ABLIM2: variants seen among roughly 807,000 people sequenced by gnomAD.
The protein encoded by ABLIM2 is actin-binding LIM protein 2.
Under a neutral mutation model 97.7 loss-of-function variants are expected in ABLIM2, and 53 were observed. That is an observed-to-expected ratio of 0.54 (90% CI 0.44 to 0.68). The LOEUF (loss-of-function observed/expected upper bound fraction) is 0.68. Among genes scored for constraint, ABLIM2 ranks in the 30% least tolerant of loss-of-function variants. ABLIM2 has a pLI of 0.00. For synonymous variants in ABLIM2, 361 were observed against 345.8 expected (o/e 1.04, Z -0.49); for missense variants, 835 against 867.2 (o/e 0.96, Z 0.47).
At position 8,023,154 on chromosome 4, in the gene ABLIM2, C is replaced by T. The variant is rs967829198; in HGVS notation, c.1268-2851G>A. ...CAGCTTCAGGTAGTCCAGGGGGCTC[C>T]CGCACCCTCCCGGCCCGCGTCCCTG... On this transcript the variant is annotated intron_variant, in intron 12 of 20. Coordinates refer to ENST00000447017, the MANE Select transcript of ABLIM2 (RefSeq NM_001130083.2). The surrounding 1 kb of genome is among the most constrained non-coding windows in gnomAD (Gnocchi z 5.7). The T allele has an allele frequency of 2.0e-5, 3 of 152,404 alleles. No individual in the cohort carries two copies. The highest frequency in any genetic ancestry group is 1.9e-4 in the East Asian group (1 of 5,200). The allele number at this position is 152,404 out of a possible 1,614,324, so 9.4% of individuals were successfully genotyped here.
At chr4:8,057,247 C>T (rs898844545) in intron 7 of ABLIM2, among the ~76,000 whole-genome samples, 6 of 151,964 alleles carry the variant, frequency 3.9e-5, no homozygotes, top group Admixed American at 2.0e-4. Context: ...TACAGGCATG[C>T]GCCACCACAC....
intron 20 of ABLIM2, among the ~76,000 whole-genome samples, chr4:7,969,090 C>G (rs1199236010): frequency 6.6e-6 from 1 of 152,028 alleles, no homozygotes; most frequent in African/African-American, 2.4e-5. Context: ...TGAGATCACA[C>G]CATTGCATTC....
At chr4:8,077,802 G>C (rs1429097168) in intron 5 of ABLIM2, 81 bp from the exon 6 acceptor site, 1 of 1,259,502 alleles carries the variant, frequency 7.9e-7, no homozygotes, top group African/African-American at 1.5e-5. Flanking sequence ...CAACAAGAGA[G>C]TCTGCCCTCA....
At position 8,043,752 on chromosome 4, in the gene ABLIM2, T is replaced by C. The variant is rs528438572; in HGVS notation, c.900+1412A>G. On this transcript the variant is annotated intron_variant, in intron 9 of 20. Coordinates refer to ENST00000447017, the MANE Select transcript of ABLIM2 (RefSeq NM_001130083.2). This position sits in a 1 kb window ranked among gnomAD's most constrained non-coding sequence, Gnocchi z 4.8. ...GCCCCCAGGAGGCTGACACAGATGA[T>C]GGTAACAGTAACGGCAGCAAGCGTT... 1.3e-5 allele frequency among the ~76,000 whole-genome samples: 2 copies of C among 152,284 alleles called. No individual in the cohort carries two copies. The highest frequency in any genetic ancestry group is 4.1e-4 in the South Asian group (2 of 4,820).
At chr4:8,143,159 T>TC (rs58979220) in intron 1 of ABLIM2, among the ~76,000 whole-genome samples, 2,182 of 61,362 alleles carry the variant, frequency 0.036, 69 homozygotes, top group Middle Eastern at 0.11. Context: ...GGGGCGAGAG[T>TC]GGGGGGGGGG....
At chr4:8,014,492 G>T (rs1169175557) in intron 14 of ABLIM2, among the ~76,000 whole-genome samples, 1 of 152,250 alleles carries the variant, frequency 6.6e-6, no homozygotes, top group East Asian at 1.9e-4. Flanking sequence ...GAATGTGTGT[G>T]TGTGTGTATG....
intron 14 of ABLIM2, among the ~76,000 whole-genome samples, chr4:8,011,931 A>G (rs919408477): frequency 1.3e-5 from 2 of 152,142 alleles, no homozygotes; most frequent in East Asian, 1.9e-4. Context: ...TCATATCTGA[A>G]CATCCATGCC....
chr4:8,052,940 G>A (rs1796973883), intron 8 of ABLIM2, among the ~76,000 whole-genome samples: 1 of 152,240 alleles, frequency 6.6e-6, no homozygotes, highest in African/African-American at 2.4e-5. Context: ...TGGGAGGCCA[G>A]GGGTTGCTGA....
At chr4:8,103,776 C>A (rs1046567487) in intron 2 of ABLIM2, among the ~76,000 whole-genome samples, 35 of 152,206 alleles carry the variant, frequency 2.3e-4, no homozygotes, top group Admixed American at 6.5e-4. Flanking sequence ...GGGCAGTTTC[C>A]GCCAGCTATG....
At chr4:8,091,391 TAATTATATGTAA>T (rs1827774478) in intron 3 of ABLIM2, among the ~76,000 whole-genome samples, 2 of 59,558 alleles carry the variant, frequency 3.4e-5, no homozygotes, top group African/African-American at 6.5e-5. Context: ...ATATTATATA[TAATTATATGTAA>T]TATATAATTA....
chr4:8,111,223 C>T (rs545532646), intron 1 of ABLIM2, among the ~76,000 whole-genome samples: 64 of 152,346 alleles, frequency 4.2e-4, no homozygotes, highest in African/African-American at 1.4e-3. Context: ...ATGAATACTG[C>T]TAGCTGGAAG....
intron 12 of ABLIM2, among the ~76,000 whole-genome samples, chr4:8,027,373 C>T (rs1778091773): frequency 6.6e-6 from 1 of 152,186 alleles, no homozygotes; most frequent in Admixed American, 6.5e-5. Flanking sequence ...GCCCTCCGTA[C>T]AGCGTAGCTT....
At chr4:8,142,280 C>T (rs1851106978) in intron 1 of ABLIM2, among the ~76,000 whole-genome samples, 1 of 152,212 alleles carries the variant, frequency 6.6e-6, no homozygotes, top group African/African-American at 2.4e-5. Flanking sequence ...TGCCTGCTCC[C>T]AGCTGGTCTC....
Position 8,002,423 on chromosome 4 carries a change from G to C in ABLIM2, c.1618+5636C>G, listed in dbSNP as rs930555682. 6.6e-6 allele frequency among the ~76,000 whole-genome samples: 1 copy of C among 152,212 alleles called. No homozygotes were observed. The highest frequency in any genetic ancestry group is 2.4e-5 in the African/African-American group (1 of 41,454). On this transcript the variant is annotated intron_variant, in intron 16 of 20. Transcript: ENST00000447017. This position sits in a 1 kb window ranked among gnomAD's most constrained non-coding sequence, Gnocchi z 6.1. ...CCTTCCAGGGCCCCCCACTGCTTTT[G>C]TGGGAGCCCTTTTCCTCTCGCCCTG... is the stretch of plus-strand genomic sequence containing the variant.
intron 20 of ABLIM2, among the ~76,000 whole-genome samples, chr4:7,976,874 A>C (rs1188489197): frequency 7.0e-6 from 1 of 142,626 alleles, no homozygotes; most frequent in Non-Finnish European, 1.6e-5. Flanking sequence ...TACATACATA[A>C]ACATACACAC....
chr4:7,971,875 C>G (rs1398621416), intron 20 of ABLIM2, among the ~76,000 whole-genome samples: 1 of 152,150 alleles, frequency 6.6e-6, no homozygotes, highest in African/African-American at 2.4e-5. Flanking sequence ...GGCTGGCTGA[C>G]CGGGTGGGCC....
In ABLIM2 at chr4:8,032,913, C is replaced by G. The variant is rs1250446131; in HGVS notation, c.1048-3137G>C. Among the ~76,000 whole-genome samples the G allele has an allele frequency of 6.6e-6, 1 of 152,170 alleles. No homozygotes were observed. The highest frequency in any genetic ancestry group is 2.1e-4 in the South Asian group (1 of 4,818). On this transcript the variant is annotated intron_variant, in intron 10 of 20. Transcript: ENST00000447017. This position sits in a 1 kb window ranked among gnomAD's most constrained non-coding sequence, Gnocchi z 4.3. Reference sequence around the variant, plus strand: ...AAGAGGCCCCCGGGGAAACTGATTTCGTGCCAATGAGCCCAGAGCTTGTCT... The same window carrying G: ...AAGAGGCCCCCGGGGAAACTGATTTGGTGCCAATGAGCCCAGAGCTTGTCT...
chr4:8,080,352 G>T (rs1281966405), intron 5 of ABLIM2, among the ~76,000 whole-genome samples: 1 of 152,198 alleles, frequency 6.6e-6, no homozygotes. Flanking sequence ...GGTGGAGGGG[G>T]ACTGCGACGG....
At chr4:8,129,478 C>T (rs1849051966) in intron 1 of ABLIM2, among the ~76,000 whole-genome samples, 1 of 152,206 alleles carries the variant, frequency 6.6e-6, no homozygotes, top group Non-Finnish European at 1.5e-5. Flanking sequence ...ACACATGTGG[C>T]CAGTAGCTAC....
Sources: allele counts gnomAD v4.1 joint callset (sites outside exome capture counted in the v4.1 genomes callset), GRCh38; gene constraint gnomAD v4.1.1; non-coding constraint Gnocchi (gnomAD v3.1); transcripts MANE v1.5; gene names NCBI Gene and HGNC (gene_info 2026-07-23, HGNC 2026-07-21).